The following PRKCA variants were observed in gnomAD, a reference collection of about 807,000 sequenced individuals.
PRKCA encodes the protein protein kinase C alpha, also known as protein kinase C alpha type.
A neutral mutation model predicts 87.0 loss-of-function variants in PRKCA; 27 were observed. The observed-to-expected ratio is 0.31, with a 90% CI of 0.23 to 0.43. The LOEUF is 0.43. PRKCA is among the 20% of genes least tolerant of loss of function. The probability of loss-of-function intolerance (pLI) is 1.00; values close to 1 mark genes in which losing one functional copy is unlikely to be tolerated. For synonymous variants in PRKCA, 329 were observed against 311.1 expected (o/e 1.06, Z -0.61); for missense variants, 518 against 852.3 (o/e 0.61, Z 4.88).
intron 5 of PRKCA, among the ~76,000 whole-genome samples, chr17:66,667,373 C>G (rs1972069396): frequency 6.6e-6 from 1 of 152,196 alleles, no homozygotes; most frequent in Admixed American, 6.5e-5. Flanking sequence ...TTAATTGGCT[C>G]AGAGTTCAGC....
chr17:66,690,738 GA>G (rs1164853985), intron 8 of PRKCA, among the ~76,000 whole-genome samples: 3 of 145,244 alleles, frequency 2.1e-5, no homozygotes, highest in Non-Finnish European at 4.5e-5. Context: ...TGAGACACGA[GA>G]ATCACTTATA....
In PRKCA at chr17:66,608,288, A is replaced by G. The variant is rs758026780; in HGVS notation, c.289-33067A>G. On this transcript the variant is annotated intron_variant, in intron 3 of 16. Coordinates refer to ENST00000413366, the MANE Select transcript of PRKCA (RefSeq NM_002737.3). Reference sequence around the variant, plus strand: ...TGTTGGTGGTGGAGTGGAGGGCCTCACTCTGGTTCCAAGCAAGTCATTAGA... The same window carrying G: ...TGTTGGTGGTGGAGTGGAGGGCCTCGCTCTGGTTCCAAGCAAGTCATTAGA... Among the ~76,000 whole-genome samples, 67 of 152,244 alleles carry G rather than the reference A, an allele frequency of 4.4e-4. 1 individual carries two copies. The highest frequency in any genetic ancestry group is 7.2e-4 in the Admixed American group (11 of 15,274).
intron 3 of PRKCA, among the ~76,000 whole-genome samples, chr17:66,567,490 C>G (rs1453260913): frequency 6.6e-6 from 1 of 152,200 alleles, no homozygotes; most frequent in Non-Finnish European, 1.5e-5. Context: ...AGGTCTGTCT[C>G]CGAGGCTATG....
At chr17:66,587,083 A>G (rs183989515) in intron 3 of PRKCA, among the ~76,000 whole-genome samples, 56 of 152,336 alleles carry the variant, frequency 3.7e-4, no homozygotes, top group Admixed American at 8.5e-4. Flanking sequence ...GGGATAGAAT[A>G]TGAACAGAAT....
Position 66,738,767 on chromosome 17 carries a change from C to T in PRKCA, c.1234C>T (p.Arg412Trp). 1.2e-6 allele frequency: 2 copies of T among 1,613,514 alleles called. No individual in the cohort carries two copies. Among genetic ancestry groups the T allele is most frequent in the Non-Finnish European group, 1.7e-6 (2 of 1,179,742 alleles). ...TGTGTTGAACCTTGGTCTGCAGGAT[C>T]GGCTGTACTTCGTCATGGAATATGT... is the stretch of plus-strand genomic sequence containing the variant. Reference protein sequence around the residue: ...QLHSCFQTVDRLYFVMEYVNG... With the variant: ...QLHSCFQTVDWLYFVMEYVNG... Residue 412 changes from arginine (R) to tryptophan (W), a missense_variant, in exon 11 of 17, where the codon CGG becomes TGG. This residue lies in a region of PRKCA where 300 missense variants were observed against 496.8 expected (regional missense o/e 0.60). Coordinates refer to ENST00000413366, the MANE Select transcript of PRKCA (RefSeq NM_002737.3).
At chr17:66,343,509 T>C (rs1459912636) in intron 2 of PRKCA, among the ~76,000 whole-genome samples, 1 of 152,144 alleles carries the variant, frequency 6.6e-6, no homozygotes, top group African/African-American at 2.4e-5. Flanking sequence ...GGTTTTGTTA[T>C]GATCAGGTTT....
intron 2 of PRKCA, among the ~76,000 whole-genome samples, chr17:66,411,496 T>C (rs1235549202): frequency 6.6e-6 from 1 of 152,236 alleles, no homozygotes; most frequent in East Asian, 1.9e-4. Context: ...CCTGAAGTTT[T>C]AGTTTGCCTG....
intron 8 of PRKCA, among the ~76,000 whole-genome samples, chr17:66,718,184 G>A (rs1973523890): frequency 1.3e-5 from 2 of 152,194 alleles, no homozygotes; most frequent in African/African-American, 4.8e-5. Flanking sequence ...AGTTCTGAAT[G>A]CTGGGAAGTC....
At chr17:66,323,965 T>C (rs1207256134) in intron 2 of PRKCA, among the ~76,000 whole-genome samples, 1 of 152,068 alleles carries the variant, frequency 6.6e-6, no homozygotes, top group Non-Finnish European at 1.5e-5. Context: ...AATCAAATCG[T>C]TATAGCCATT....
intron 3 of PRKCA, among the ~76,000 whole-genome samples, chr17:66,516,460 C>G (rs1299291314): frequency 6.6e-6 from 1 of 151,984 alleles, no homozygotes; most frequent in Non-Finnish European, 1.5e-5. Context: ...TGGTGAGACC[C>G]CGTCTCTACT....
intron 3 of PRKCA, among the ~76,000 whole-genome samples, chr17:66,580,177 C>G (rs144181414): frequency 7.5e-4 from 115 of 152,334 alleles, no homozygotes; most frequent in African/African-American, 2.6e-3. Context: ...GTGTAAGCTG[C>G]CTGTGGCTGA....
At chr17:66,656,674 G>A (rs540270409) in intron 5 of PRKCA, among the ~76,000 whole-genome samples, 3 of 152,132 alleles carry the variant, frequency 2.0e-5, no homozygotes, top group Non-Finnish European at 4.4e-5. Flanking sequence ...GAGGGAAGAC[G>A]AAATAAATAA....
At chr17:66,660,508 T>C (rs1971864658) in intron 5 of PRKCA, among the ~76,000 whole-genome samples, 1 of 152,118 alleles carries the variant, frequency 6.6e-6, no homozygotes. Flanking sequence ...CTCTGAAAAT[T>C]CTGTCCCATG....
At chr17:66,512,697 A>C (rs1003185574) in intron 3 of PRKCA, among the ~76,000 whole-genome samples, 2 of 151,862 alleles carry the variant, frequency 1.3e-5, no homozygotes, top group Admixed American at 6.6e-5. Flanking sequence ...GCCTTTTTAG[A>C]TCATACCCCC....
chr17:66,365,217 C>A (rs1217433226), intron 2 of PRKCA, among the ~76,000 whole-genome samples: 1 of 152,142 alleles, frequency 6.6e-6, no homozygotes, highest in East Asian at 1.9e-4. Context: ...TCTGGAAAGT[C>A]CCGAAATTCA....
chr17:66,738,720 G>A (rs1197265052), intron 10 of PRKCA, 44 bp from the exon 11 acceptor site: 1 of 1,525,508 alleles, frequency 6.6e-7, no homozygotes, highest in Admixed American at 1.7e-5. Flanking sequence ...GAAGCCACTT[G>A]GCTGGGGAGG....
At chr17:66,759,273 G>A (rs940757067) in intron 13 of PRKCA, among the ~76,000 whole-genome samples, 11 of 151,726 alleles carry the variant, frequency 7.2e-5, no homozygotes, top group Non-Finnish European at 1.6e-4. Context: ...GGAGAATGGC[G>A]TGAACCCGGG....
chr17:66,531,323 C>T (rs904071412), intron 3 of PRKCA, among the ~76,000 whole-genome samples: 1 of 152,210 alleles, frequency 6.6e-6, no homozygotes, highest in Non-Finnish European at 1.5e-5. Flanking sequence ...CTTAGCCCTG[C>T]CTGAACTGCA....
chr17:66,341,265 CA>C (rs1436988567), intron 2 of PRKCA, among the ~76,000 whole-genome samples: 1 of 152,168 alleles, frequency 6.6e-6, no homozygotes, highest in Admixed American at 6.5e-5. Context: ...TGCTGGGCAG[CA>C]GACAGTAAAT....
Sources: allele counts gnomAD v4.1 joint callset (sites outside exome capture counted in the v4.1 genomes callset), GRCh38; gene constraint gnomAD v4.1.1; regional missense constraint gnomAD v4.1.1; transcripts MANE v1.5; gene names NCBI Gene and HGNC (gene_info 2026-07-23, HGNC 2026-07-21).